Variants in PKD1L3 observed in about 807,000 individuals in gnomAD.
PKD1L3 encodes the protein polycystin 1 like 3, transient receptor potential channel interacting.
In PKD1L3, 239 loss-of-function variants were observed where a neutral mutation model predicts 184.1. The observed-to-expected ratio is 1.30, with a 90% CI of 1.17 to 1.45. PKD1L3 has a LOEUF of 1.45. Among genes scored for constraint, PKD1L3 ranks in the 40% most tolerant of loss-of-function variants. The pLI is 0.00. For missense variants in PKD1L3, 2,660 were observed against 2,067.2 expected (o/e 1.29, Z -5.56); for synonymous variants, 996 against 778.8 (o/e 1.28, Z -4.64).
rs1325713026 is a variant in PKD1L3 at position 71,952,965 on chromosome 16, A to T, written c.2938T>A (p.Phe980Ile). Reference sequence around the variant, plus strand: ...AGGCAGGAGGCCTGGATGGGAGGAAAGAGGGGCAGAGTCTCCTGTGGCTCA... The same window carrying T: ...AGGCAGGAGGCCTGGATGGGAGGAATGAGGGGCAGAGTCTCCTGTGGCTCA... ...LIEPQETLPL[F>I]PPIQASCLSD... The change falls in exon 18 of 30, where the codon TTT becomes ATT. Residue 980 changes from phenylalanine to isoleucine, a missense_variant. Physicochemically the swap from Phe to Ile is conservative, Grantham distance 21 (BLOSUM62 0). Transcript: ENST00000620267. 6.5e-6 allele frequency: 10 copies of T among 1,550,334 alleles called. No individual in the cohort carries two copies. The highest frequency in any genetic ancestry group is 8.7e-6 in the Non-Finnish European group (10 of 1,146,522).
At chr16:71,940,586 G>A (rs1486843189) in intron 24 of PKD1L3, among the ~76,000 whole-genome samples, 3 of 151,784 alleles carry the variant, frequency 2.0e-5, no homozygotes, top group African/African-American at 7.3e-5. Flanking sequence ...TGCAACCTCC[G>A]CCTCCTGGGT....
At position 71,930,065 on chromosome 16, in the gene PKD1L3, C is replaced by CT. The variant is rs1238960898; in HGVS notation, c.5044dup (p.Arg1682LysfsTer5). On this transcript the variant is annotated frameshift_variant, in exon 29 of 30. Coordinates refer to ENST00000620267, the MANE Select transcript of PKD1L3 (RefSeq NM_181536.2). LOFTEE classifies it low-confidence loss of function (END_TRUNC). ...TTAGTTACCTACCTTAAGCGACTTT[C>CT]TTTCTTTTCCAAAGGCCATGAGAAT... 7 of 1,548,782 alleles carry CT rather than the reference C, an allele frequency of 4.5e-6. No homozygotes were observed. Among genetic ancestry groups the CT allele is most frequent in the Non-Finnish European group, 6.1e-6 (7 of 1,146,140 alleles).
intron 9 of PKD1L3, among the ~76,000 whole-genome samples, chr16:71,979,108 T>C (rs2040048312): frequency 6.6e-6 from 1 of 152,220 alleles, no homozygotes; most frequent in Non-Finnish European, 1.5e-5. Context: ...ACTGGGTTGG[T>C]ATACTGAGTC....
intron 26 of PKD1L3, 60 bp downstream of exon 26, chr16:71,935,298 T>C: frequency 1.4e-6 from 2 of 1,481,380 alleles, no homozygotes; most frequent in Non-Finnish European, 1.8e-6. Context: ...TACTTGTGTA[T>C]AAACAGGAAA....
At chr16:71,983,659 C>CTT (rs66523761) in intron 6 of PKD1L3, among the ~76,000 whole-genome samples, 1,287 of 92,310 alleles carry the variant, frequency 0.014, 329 homozygotes, top group East Asian at 0.096. Context: ...TCCAGATTCT[C>CTT]TTTCTTTTTT....
At chr16:71,935,213 C>T (rs2038131856) in intron 26 of PKD1L3, 145 bp downstream of exon 26, 2 of 832,404 alleles carry the variant, frequency 2.4e-6, no homozygotes, top group Non-Finnish European at 3.6e-6. Context: ...GTCTTCTCTG[C>T]TGTGGACATG....
chr16:71,934,272 T>TC (rs1448474954), intron 26 of PKD1L3, 147 bp from the exon 27 acceptor site: 1 of 706,860 alleles, frequency 1.4e-6, no homozygotes, highest in Non-Finnish European at 2.4e-6. Flanking sequence ...TATTGTGGCC[T>TC]CCTGTGAGTT....
intron 22 of PKD1L3, among the ~76,000 whole-genome samples, chr16:71,947,132 C>T (rs2143308556): frequency 6.6e-6 from 1 of 152,146 alleles, no homozygotes; most frequent in East Asian, 1.9e-4. Context: ...GTGGCAGAGG[C>T]CTGTAATCCC....
chr16:71,958,553 G>C (rs769468433), intron 16 of PKD1L3, among the ~76,000 whole-genome samples: 26 of 151,950 alleles, frequency 1.7e-4, no homozygotes, highest in Non-Finnish European at 2.9e-4. Context: ...GCCGAGGTGA[G>C]TGGATCACCC....
rs766316127 is a variant in PKD1L3 at position 71,950,217 on chromosome 16, C to T, written c.3284G>A (p.Gly1095Asp). 2.2e-5 allele frequency: 34 copies of T among 1,552,050 alleles called. No individual in the cohort carries two copies. Among genetic ancestry groups the T allele is most frequent in the Non-Finnish European group, 2.6e-5 (30 of 1,147,110 alleles). The change falls in exon 20 of 30, where the codon GGT (glycine) becomes GAT (aspartate). Residue 1095 changes from glycine to aspartate, a missense_variant. Coordinates refer to ENST00000620267, the MANE Select transcript of PKD1L3 (RefSeq NM_181536.2). ...SHLGTLGLTQ[G>D]HQSCDFLDAA... ...ATCTAGGAAGTCACAGGACTGGTGACCCTGGGTGAGACCCAGCGTGCCTAA... is the reference window on the plus strand; with the variant it reads ...ATCTAGGAAGTCACAGGACTGGTGATCCTGGGTGAGACCCAGCGTGCCTAA...
chr16:71,931,997 G>A (rs1231361720), intron 28 of PKD1L3, among the ~76,000 whole-genome samples: 1 of 152,000 alleles, frequency 6.6e-6, no homozygotes, highest in Non-Finnish European at 1.5e-5. Flanking sequence ...TTTCACTTTG[G>A]CCTCCTAAGT....
intron 4 of PKD1L3, 30 bp from the exon 5 acceptor site, chr16:71,986,499 A>G (rs2040371896): frequency 1.3e-6 from 2 of 1,534,432 alleles, no homozygotes; most frequent in South Asian, 1.2e-5. Context: ...AAAGGAAAAG[A>G]CTGAATCTGA....
chr16:71,942,787 A>G lies in PKD1L3; in HGVS notation c.4097T>C (p.Ile1366Thr). The G allele has an allele frequency of 7.7e-6, 12 of 1,551,658 alleles. No homozygotes were observed. The highest frequency in any genetic ancestry group is 1.4e-5 in the African/African-American group (1 of 73,160). Residue 1366 changes from isoleucine to threonine, a missense_variant, in exon 24 of 30, where the codon ATT becomes ACT. By Grantham distance (89) the Ile-to-Thr change is moderately conservative (BLOSUM62 -1). Transcript: ENST00000620267. ...GGTCTTGGTACGGGGTATTTGGAAA[A>G]TTAATTGTACCCCACATTTGCAATG... ...PSHCKCGVQL[I>T]FQIPRTKTYE...
At chr16:71,947,423 G>T in intron 22 of PKD1L3, 69 bp downstream of exon 22, 2 of 1,012,542 alleles carry the variant, frequency 2.0e-6, no homozygotes, top group Non-Finnish European at 3.0e-6. Context: ...AATTTATCGA[G>T]TCAGCAAGGT....
intron 6 of PKD1L3, among the ~76,000 whole-genome samples, chr16:71,983,813 G>C (rs537776953): frequency 6.6e-6 from 1 of 150,928 alleles, no homozygotes; most frequent in Non-Finnish European, 1.5e-5. Context: ...ACAGGTGCCC[G>C]CCACCGAGCC....
At position 71,980,067 on chromosome 16, in the gene PKD1L3, T is replaced by C; in HGVS notation, c.1211A>G (p.Asn404Ser). ...AGTCACTGAAGACTCGGGAGACTGG[T>C]TCTGCTCTAGAAATGCTTCCCCGAT... The part of the protein sequence containing the change: ...GNIGEAFLEQ[N>S]QSPESSVTLT... Residue 404 changes from asparagine to serine, a missense_variant, in exon 8 of 30, where the codon AAC becomes AGC. Transcript: ENST00000620267. 1 of 1,551,876 alleles carries C rather than the reference T, an allele frequency of 6.4e-7. No individual in the cohort carries two copies. The highest frequency in any genetic ancestry group is 8.7e-7 in the Non-Finnish European group (1 of 1,147,034).
At chr16:71,988,004 T>C (rs959535659) in intron 4 of PKD1L3, among the ~76,000 whole-genome samples, 1 of 152,050 alleles carries the variant, frequency 6.6e-6, no homozygotes. Context: ...TATCAGGCAG[T>C]TGAAGGGAAT....
rs1439900532 is a variant in PKD1L3 at position 71,944,178 on chromosome 16, A to G, written c.3719-8T>C. On this transcript the variant is annotated splice_polypyrimidine_tract_variant and splice_region_variant and intron_variant, in intron 22 of 29. Transcript: ENST00000620267. ...CTGACGAAGAACATTTTGCTGTCAA[A>G]AATTCAAATATAGACCAAAGAAATG... 6.5e-7 allele frequency: 1 copy of G among 1,546,090 alleles called. No homozygotes were observed. Among genetic ancestry groups the G allele is most frequent in the South Asian group, 1.2e-5 (1 of 83,438 alleles).
Position 71,942,598 on chromosome 16 carries a change from G to C in PKD1L3, c.4286C>G (p.Thr1429Arg), listed in dbSNP as rs1321196654. 1.3e-6 allele frequency: 2 copies of C among 1,551,594 alleles called. No homozygotes were observed. The highest frequency in any genetic ancestry group is 2.4e-5 in the South Asian group (2 of 84,054). ...IPTDELHERL[T>R]SKNENGFSYI... is the part of the protein sequence containing the mutation. ...ACTGAATCCATTCTCATTCTTGCTT[G>C]TCAGCCTTTCGTGAAGCTCATCAGT... Residue 1429 changes from threonine to arginine, a missense_variant, in exon 24 of 30, where the codon ACA becomes AGA. Transcript: ENST00000620267.
Sources: allele counts gnomAD v4.1 joint callset (sites outside exome capture counted in the v4.1 genomes callset), GRCh38; gene constraint gnomAD v4.1.1; transcripts MANE v1.5; gene names NCBI Gene and HGNC (gene_info 2026-07-23, HGNC 2026-07-21).